The following DHX57 variants were observed in gnomAD, a reference collection of about 807,000 sequenced individuals.
DHX57 encodes putative ATP-dependent RNA helicase DHX57.
Under a neutral mutation model 156.2 loss-of-function variants are expected in DHX57, and 105 were observed. The observed-to-expected ratio is 0.67, with a 90% CI of 0.57 to 0.79. The LOEUF is 0.79. DHX57 is among the 30% of genes least tolerant of loss of function. The pLI, the probability that DHX57 is intolerant of heterozygous loss-of-function variation, is 0.00. For synonymous variants in DHX57, 704 were observed against 595.6 expected, an observed-to-expected ratio of 1.18 and a Z score of -2.65; for missense variants, 1,847 against 1,661.9, an observed-to-expected ratio of 1.11 and a Z score of -1.94.
At position 38,802,929 on chromosome 2, in the gene DHX57, C is replaced by T. The variant is rs189873698; in HGVS notation, c.3817-14G>A. Reference sequence around the variant, plus strand: ...AAAGTGTCTCACCTGTAACAAAAAACCTCAGATGATGACAGTGATGTCACT... The same window carrying T: ...AAAGTGTCTCACCTGTAACAAAAAATCTCAGATGATGACAGTGATGTCACT... On this transcript the variant is annotated splice_polypyrimidine_tract_variant and intron_variant, in intron 22 of 23. Transcript: ENST00000457308. The T allele has an allele frequency of 5.5e-4, 881 of 1,613,964 alleles. 5 individuals carry two copies. In the African/African-American group the frequency reaches 0.011, roughly 20 times the overall value.
chr2:38,843,177 C>T lies in DHX57; in HGVS notation c.2253G>A (p.Arg751=). 1 of 1,614,128 alleles carries T rather than the reference C, an allele frequency of 6.2e-7. No individual in the cohort carries two copies. The change falls in exon 12 of 24, where the codon CGG becomes CGA. Residue 751 remains arginine (R), a synonymous_variant. Coordinates refer to ENST00000457308, the MANE Select transcript of DHX57 (RefSeq NM_198963.3). ...YVLQDGSPYM[R]SMKQISKEKL... ...TTTCCTTTGAAATCTGTTTCATGGA[C>T]CGCATATATGGGCTCCCATCCTGTA... is the stretch of plus-strand genomic sequence containing the variant.
At chr2:38,858,596 A>G in intron 6 of DHX57, 65 bp downstream of exon 6, 1 of 1,517,982 alleles carries the variant, frequency 6.6e-7, no homozygotes, top group Non-Finnish European at 8.8e-7. Context: ...AAAGCTCCCT[A>G]ATTCCTAATC....
intron 17 of DHX57, among the ~76,000 whole-genome samples, chr2:38,819,898 A>G (rs1670725162): frequency 6.6e-6 from 1 of 152,244 alleles, no homozygotes; most frequent in Admixed American, 6.5e-5. Context: ...ACAAATGTTT[A>G]CAAGTCTTCC....
intron 22 of DHX57, among the ~76,000 whole-genome samples, chr2:38,804,882 C>A (rs538607531): frequency 6.6e-6 from 1 of 152,312 alleles, no homozygotes; most frequent in South Asian, 2.1e-4. Context: ...TCTCCTGTCA[C>A]TCTCTGTCTC....
chr2:38,847,310 C>A (rs1672339728), intron 10 of DHX57, among the ~76,000 whole-genome samples: 1 of 151,938 alleles, frequency 6.6e-6, no homozygotes, highest in Non-Finnish European at 1.5e-5. Context: ...GACTTTTTTT[C>A]TTTTACCTGT....
intron 12 of DHX57, among the ~76,000 whole-genome samples, chr2:38,838,158 G>A (rs1042410958): frequency 6.6e-6 from 1 of 152,148 alleles, no homozygotes; most frequent in Non-Finnish European, 1.5e-5. Context: ...GAATGCAGTG[G>A]TGTGATCACA....
Position 38,802,734 on chromosome 2 carries a change from A to G in DHX57, c.3998T>C (p.Phe1333Ser). ...CTTTACCTGATGGGAAGCAGCTACAAAACGGATCCAACCATCATCCAGGGA... is the reference window on the plus strand; with the variant it reads ...CTTTACCTGATGGGAAGCAGCTACAGAACGGATCCAACCATCATCCAGGGA... ...VVSLDDGWIR[F>S]VAASHQVAEL... Residue 1333 changes from phenylalanine (F) to serine (S), a missense_variant, in exon 23 of 24, where the codon TTT becomes TCT. Transcript: ENST00000457308. 1 of 1,614,120 alleles carries G rather than the reference A, an allele frequency of 6.2e-7. No individual in the cohort carries two copies. Among genetic ancestry groups the G allele is most frequent in the Non-Finnish European group, 8.5e-7 (1 of 1,180,012 alleles).
intron 22 of DHX57, chr2:38,803,123 T>TAAA: frequency 2.2e-6 from 1 of 464,324 alleles, no homozygotes; most frequent in Non-Finnish European, 3.8e-6. Context: ...CACTTGTGTT[T>TAAA]AAAAAAAAAA....
At chr2:38,853,898 A>T in intron 9 of DHX57, 156 bp downstream of exon 9, 1 of 628,814 alleles carries the variant, frequency 1.6e-6, no homozygotes, top group Non-Finnish European at 2.7e-6. Flanking sequence ...GACCCTGGAG[A>T]TCAAGAAAGC....
At chr2:38,859,329 A>C (rs1673064155) in intron 5 of DHX57, among the ~76,000 whole-genome samples, 1 of 152,304 alleles carries the variant, frequency 6.6e-6, no homozygotes, top group South Asian at 2.1e-4. Context: ...GAGTAGGCAA[A>C]TCCATAGAGA....
rs773785157 is a variant in DHX57, at chr2:38,828,415, G to C, written c.2564C>G (p.Pro855Arg). The C allele has an allele frequency of 6.8e-6, 11 of 1,612,024 alleles. No homozygotes were observed. Among genetic ancestry groups the C allele is most frequent in the East Asian group, 2.2e-5 (1 of 44,742 alleles). ...YPPGAILVFL[P>R]GLAEIKMLYE... is the part of the protein sequence containing the mutation. ...AAGCATTTTGATTTCTGCTAGTCCTGGTAAAAATACAAGTATAGCACCTGG... is the reference window on the plus strand; with the variant it reads ...AAGCATTTTGATTTCTGCTAGTCCTCGTAAAAATACAAGTATAGCACCTGG... Residue 855 changes from proline (P) to arginine (R), a missense_variant, in exon 14 of 24, where the codon CCA (proline) becomes CGA (arginine). Coordinates refer to ENST00000457308, the MANE Select transcript of DHX57 (RefSeq NM_198963.3).
chr2:38,843,207 A>G lies in DHX57; in HGVS notation c.2223T>C (p.Tyr741=). Residue 741 remains tyrosine, a synonymous_variant, in exon 12 of 24, where the codon TAT becomes TAC. Transcript: ENST00000457308. ...TATATGGGCTCCCATCCTGTAATAC[A>G]TACCTGAGAAAGACAAAGGAATGTG... ...FLEDAIAVTR[Y]VLQDGSPYMR... 1 of 1,613,910 alleles carries G rather than the reference A, an allele frequency of 6.2e-7. No individual in the cohort carries two copies. Among genetic ancestry groups the G allele is most frequent in the Non-Finnish European group, 8.5e-7 (1 of 1,179,942 alleles).
Position 38,863,522 on chromosome 2 carries a change from A to G in DHX57, c.225-3T>C, listed in dbSNP as rs753323666. On this transcript the variant is annotated splice_polypyrimidine_tract_variant and splice_region_variant and intron_variant, in intron 2 of 23. Coordinates refer to ENST00000457308, the MANE Select transcript of DHX57 (RefSeq NM_198963.3). ...TGCTTATGTTACTGTTGCTAGGTCT[A>G]TAGAGAACAAAAGAGCAAAATTACA... 6.2e-7 allele frequency: 1 copy of G among 1,608,416 alleles called. No homozygotes were observed. Among genetic ancestry groups the G allele is most frequent in the Non-Finnish European group, 8.5e-7 (1 of 1,178,684 alleles).
intron 17 of DHX57, among the ~76,000 whole-genome samples, chr2:38,822,236 C>T (rs944543780): frequency 1.3e-5 from 2 of 151,940 alleles, no homozygotes; most frequent in African/African-American, 2.4e-5. Flanking sequence ...GCATGCACCA[C>T]CATCCCAGCT....
intron 20 of DHX57, among the ~76,000 whole-genome samples, 166 bp downstream of exon 20, chr2:38,815,355 G>A (rs1267460223): frequency 6.6e-6 from 1 of 152,190 alleles, no homozygotes; most frequent in Non-Finnish European, 1.5e-5. Context: ...ACGAGCCACC[G>A]TGCCAGATCA....
At chr2:38,868,511 A>C in intron 1 of DHX57, 100 bp from the exon 2 acceptor site, 12 of 1,181,568 alleles carry the variant, frequency 1.0e-5, no homozygotes, top group South Asian at 1.5e-5. Flanking sequence ...TAAAGAAACA[A>C]AGGAAAATGC....
rs542854319 is a variant in DHX57, at chr2:38,798,416, A to G, written c.4044T>C (p.Arg1348=). ...HQVAELVKEL[R]CELDQLLQDK... ...CCTGGAGAAGCTGATCAAGTTCGCA[A>G]CGAAGCTCCTTTACCAGTTCAGCCA... is the stretch of plus-strand genomic sequence containing the variant. Residue 1348 remains arginine, a synonymous_variant, in exon 24 of 24, where the codon CGT becomes CGC. Transcript: ENST00000457308. 1 of 1,613,830 alleles carries G rather than the reference A, an allele frequency of 6.2e-7. No individual in the cohort carries two copies. The highest frequency in any genetic ancestry group is 8.5e-7 in the Non-Finnish European group (1 of 1,179,878).
At chr2:38,859,817 CTTTTTTT>C (rs200526041) in intron 5 of DHX57, among the ~76,000 whole-genome samples, 1 of 135,684 alleles carries the variant, frequency 7.4e-6, no homozygotes, top group African/African-American at 2.7e-5. Flanking sequence ...AAAGAGGATC[CTTTTTTT>C]TTTTTTTTTA....
intron 3 of DHX57, chr2:38,862,802 T>C (rs193277107): frequency 1.4e-3 from 220 of 154,290 alleles, no homozygotes; most frequent in African/African-American, 5.2e-3. Context: ...AATCTCCCTT[T>C]CTAAATCTAA....
Sources: gnomAD v4.1 joint callset for allele counts (sites outside exome capture counted in the v4.1 genomes callset) on GRCh38, gnomAD v4.1.1 for gene constraint, MANE v1.5 for transcripts, NCBI Gene and HGNC (gene_info 2026-07-23, HGNC 2026-07-21) for gene names.